Variants in PIEZO2 observed in about 807,000 individuals in gnomAD.
The protein encoded by PIEZO2 is piezo-type mechanosensitive ion channel component 2.
A neutral mutation model predicts 337.3 loss-of-function variants in PIEZO2; 172 were observed. The ratio of observed to expected loss-of-function variants is 0.51; its 90% CI spans 0.45 to 0.58. The LOEUF is 0.58. Ranked by LOEUF, PIEZO2 falls within the 20% of genes least tolerant of loss-of-function variation. The pLI is 0.00. For missense variants in PIEZO2, 3,028 were observed against 3,391.3 expected, an observed-to-expected ratio of 0.89 and a Z score of 2.66; for synonymous variants, 1,251 against 1,228.5, an observed-to-expected ratio of 1.02 and a Z score of -0.38.
intron 18 of PIEZO2, among the ~76,000 whole-genome samples, chr18:10,774,682 T>C (rs575427586): frequency 1.7e-4 from 25 of 145,114 alleles, no homozygotes; most frequent in African/African-American, 6.9e-4. Context: ...TCCTACAGTT[T>C]TTTTTAAAAG....
At chr18:11,034,497 G>T (rs1232665263) in intron 2 of PIEZO2, among the ~76,000 whole-genome samples, 1 of 152,056 alleles carries the variant, frequency 6.6e-6, no homozygotes, top group African/African-American at 2.4e-5. Flanking sequence ...GTTTCGCCGT[G>T]TTAGCCAGGA....
At chr18:10,948,110 A>G (rs1187618975) in intron 3 of PIEZO2, among the ~76,000 whole-genome samples, 1 of 152,208 alleles carries the variant, frequency 6.6e-6, no homozygotes. Context: ...GCTTTCAAGT[A>G]TATGGAGGAG....
rs1269822864 is a variant in PIEZO2, at chr18:10,761,101, A to G, written c.3260T>C (p.Leu1087Pro). The change falls in exon 24 of 56, where the codon CTG becomes CCG. Residue 1087 changes from leucine (L) to proline (P), a missense_variant. Leu to Pro is a moderately conservative substitution (Grantham distance 98). This residue lies in a region of PIEZO2 where 1,925 missense variants were observed against 2,051.9 expected (regional missense o/e 0.94). Coordinates refer to ENST00000674853, the MANE Select transcript of PIEZO2 (RefSeq NM_001378183.1). ...TTCAAAGGCCAGGATAGCCAGCATC[A>G]GGAGGTTATTCTACAAAGCAAGGAA... ...PLLVYLRNNL[L>P]MLAILAFEVT... 2.0e-6 allele frequency: 3 copies of G among 1,537,042 alleles called. No individual in the cohort carries two copies. The Admixed American group carries it at 5.9e-5, about 30-fold the overall frequency.
chr18:10,851,872 G>T (rs983831477), intron 7 of PIEZO2, among the ~76,000 whole-genome samples: 10 of 151,926 alleles, frequency 6.6e-5, no homozygotes, highest in Non-Finnish European at 1.5e-4. Flanking sequence ...GAGAAAGTTT[G>T]CCTGATCTAG....
In PIEZO2 at chr18:10,855,626, G is replaced by T; in HGVS notation, c.704-60C>A. ...GAACTGGAAATTCACTTATCATTCAGTGAATGTGACTATTTGAAATTATGT... is the reference window on the plus strand; with the variant it reads ...GAACTGGAAATTCACTTATCATTCATTGAATGTGACTATTTGAAATTATGT... On this transcript the variant is annotated intron_variant, in intron 6 of 55. Coordinates refer to ENST00000674853, the MANE Select transcript of PIEZO2 (RefSeq NM_001378183.1). This position sits in a 1 kb window ranked among gnomAD's most constrained non-coding sequence, Gnocchi z 4.9. The T allele has an allele frequency of 7.7e-7, 1 of 1,292,568 alleles. No homozygotes were observed. Among genetic ancestry groups the T allele is most frequent in the Non-Finnish European group, 1.1e-6 (1 of 935,836 alleles). 80.1% of individuals were successfully genotyped at this position (1,292,568 alleles called of 1,614,324 possible).
At position 11,099,610 on chromosome 18, in the gene PIEZO2, G is replaced by A. The variant is rs1288683894; in HGVS notation, c.65-33388C>T. 3.3e-5 allele frequency among the ~76,000 whole-genome samples: 5 copies of A among 152,282 alleles called. 1 individual carries two copies. The East Asian group carries it at 5.8e-4, about 18-fold the overall frequency. ...GCCTCCCGAGTAGCGGGGATCACAG[G>A]TGCCTGCCACCATGCCTAGCTAATT... On this transcript the variant is annotated intron_variant, in intron 1 of 55. Coordinates refer to ENST00000674853, the MANE Select transcript of PIEZO2 (RefSeq NM_001378183.1). This position sits in a 1 kb window ranked among gnomAD's most constrained non-coding sequence, Gnocchi z 5.4.
intron 17 of PIEZO2, among the ~76,000 whole-genome samples, chr18:10,782,555 C>T (rs1012051108): frequency 2.2e-5 from 3 of 137,656 alleles, no homozygotes; most frequent in South Asian, 2.2e-4. Flanking sequence ...TTTCATAGAA[C>T]GAAAAATGAA....
rs2041673770 is a variant in PIEZO2, at chr18:10,855,355, T to C, written c.915A>G (p.Ala305=). 1 of 1,531,258 alleles carries C rather than the reference T, an allele frequency of 6.5e-7. No individual in the cohort carries two copies. Among genetic ancestry groups the C allele is most frequent in the African/African-American group, 1.4e-5 (1 of 73,046 alleles). 94.9% of individuals were successfully genotyped at this position (1,531,258 alleles called of 1,614,324 possible). ...AATGCCATAAGGATTTCTCTTACCT[T>C]GCATAGTAGTCATTGGGTGGAACTG... The part of the protein sequence containing the change: ...QEAVPPNDYY[A]RLFGIKSVIQ... The change falls in exon 7 of 56, where the codon GCA becomes GCG. Residue 305 remains alanine (A), a splice_region_variant and synonymous_variant. Coordinates refer to ENST00000674853, the MANE Select transcript of PIEZO2 (RefSeq NM_001378183.1). This position sits in a 1 kb window ranked among gnomAD's most constrained non-coding sequence, Gnocchi z 4.9.
At chr18:11,147,502 G>A (rs7227861) in intron 1 of PIEZO2, among the ~76,000 whole-genome samples, 1,575 of 152,292 alleles carry the variant, frequency 0.01, 27 homozygotes, top group African/African-American at 0.033. Context: ...ATCAACCTCG[G>A]TCAAGATGCA....
At chr18:10,873,026 C>T (rs2042175654) in intron 4 of PIEZO2, among the ~76,000 whole-genome samples, 1 of 151,938 alleles carries the variant, frequency 6.6e-6, no homozygotes, top group African/African-American at 2.4e-5. Flanking sequence ...AAAGATAGGG[C>T]AATATACCAT....
Position 10,850,007 on chromosome 18 carries a change from A to C in PIEZO2, c.917+5346T>G, listed in dbSNP as rs2041494321. ...AGTTATTGTTATAATAGACTACAGC[A>C]CTTCAGATTTGGGAAGAATAATCTC... On this transcript the variant is annotated intron_variant, in intron 7 of 55. Transcript: ENST00000674853. This position sits in a 1 kb window ranked among gnomAD's most constrained non-coding sequence, Gnocchi z 4.5. Among the ~76,000 whole-genome samples, 1 of 152,212 alleles carries C rather than the reference A, an allele frequency of 6.6e-6. No individual in the cohort carries two copies.
In PIEZO2 at chr18:10,973,433, G is replaced by A. The variant is rs890794772; in HGVS notation, c.286+6102C>T. 6.6e-6 allele frequency among the ~76,000 whole-genome samples: 1 copy of A among 152,200 alleles called. No homozygotes were observed. Among genetic ancestry groups the A allele is most frequent in the Non-Finnish European group, 1.5e-5 (1 of 68,036 alleles). ...TCCATCTAGGTCGGCATATGTCTCC[G>A]TGAGGCAGTGCCTCAATCACCAGGG... On this transcript the variant is annotated intron_variant, in intron 3 of 55. Coordinates refer to ENST00000674853, the MANE Select transcript of PIEZO2 (RefSeq NM_001378183.1). This position sits in a 1 kb window ranked among gnomAD's most constrained non-coding sequence, Gnocchi z 4.9.
chr18:11,057,813 A>C (rs1174989693), intron 2 of PIEZO2, among the ~76,000 whole-genome samples: 1 of 152,260 alleles, frequency 6.6e-6, no homozygotes, highest in Non-Finnish European at 1.5e-5. Flanking sequence ...AGTTAAGTGT[A>C]CTGAGCCTAC....
chr18:10,689,997 T>G (rs1456018973), intron 48 of PIEZO2, among the ~76,000 whole-genome samples, 195 bp from the exon 49 acceptor site: 1 of 152,242 alleles, frequency 6.6e-6, no homozygotes, highest in African/African-American at 2.4e-5. Context: ...GATTTGTATT[T>G]TTTCATTCTT....
rs1271488196 is a variant in PIEZO2 at position 10,846,142 on chromosome 18, C to T, written c.917+9211G>A. 1.3e-5 allele frequency among the ~76,000 whole-genome samples: 2 copies of T among 152,180 alleles called. No individual in the cohort carries two copies. The highest frequency in any genetic ancestry group is 4.8e-5 in the African/African-American group (2 of 41,440). The stretch of plus-strand genomic sequence containing the variant: ...TGAAAGTGACATACCCAAGACTTGG[C>T]AATTTACAAAAGAATGAGGTTTATT... On this transcript the variant is annotated intron_variant, in intron 7 of 55. Coordinates refer to ENST00000674853, the MANE Select transcript of PIEZO2 (RefSeq NM_001378183.1). The surrounding 1 kb of genome is among the most constrained non-coding windows in gnomAD (Gnocchi z 4.1).
chr18:10,833,808 G>T lies in PIEZO2; in HGVS notation c.917+21545C>A. On this transcript the variant is annotated intron_variant, in intron 7 of 55. Coordinates refer to ENST00000674853, the MANE Select transcript of PIEZO2 (RefSeq NM_001378183.1). This position sits in a 1 kb window ranked among gnomAD's most constrained non-coding sequence, Gnocchi z 4.7. Reference sequence around the variant, plus strand: ...ACAAAAATGCATCTGCAAATCCTTTGTTTAAAAAACGCATTAGGCTGCCCT... The same window carrying T: ...ACAAAAATGCATCTGCAAATCCTTTTTTTAAAAAACGCATTAGGCTGCCCT... Among the ~76,000 whole-genome samples, 1 of 152,198 alleles carries T rather than the reference G, an allele frequency of 6.6e-6. No individual in the cohort carries two copies. Among genetic ancestry groups the T allele is most frequent in the East Asian group, 1.9e-4 (1 of 5,188 alleles).
At chr18:10,704,366 A>T (rs1383099646) in intron 42 of PIEZO2, 28 bp downstream of exon 42, 19 of 1,534,770 alleles carry the variant, frequency 1.2e-5, no homozygotes, top group Non-Finnish European at 1.7e-5. Flanking sequence ...GCCTGAAGCC[A>T]TCCACAGGGG....
rs1473498014 is a variant in PIEZO2 at position 11,031,740 on chromosome 18, G to A, written c.160+34387C>T. Among the ~76,000 whole-genome samples, 1 of 152,142 alleles carries A rather than the reference G, an allele frequency of 6.6e-6. No individual in the cohort carries two copies. Among genetic ancestry groups the A allele is most frequent in the African/African-American group, 2.4e-5 (1 of 41,436 alleles). ...CTCTTGGTACGACTTACCCTTGGTT[G>A]TAAGTTGATTCCATGGTCCCTGGGG... On this transcript the variant is annotated intron_variant, in intron 2 of 55. Coordinates refer to ENST00000674853, the MANE Select transcript of PIEZO2 (RefSeq NM_001378183.1). The surrounding 1 kb of genome is among the most constrained non-coding windows in gnomAD (Gnocchi z 4.7).
In PIEZO2 at chr18:10,800,376, T is replaced by G; in HGVS notation, c.1339A>C (p.Thr447Pro). ...NGPGKADLYS[T>P]PQYRWEPSDE... ...GAGGGCTCCCACCGGTACTGAGGGG[T>G]GGAGTAGAGGTCGGCTTTGCCAGGG... is the stretch of plus-strand genomic sequence containing the variant. The change falls in exon 11 of 56, where the codon ACC (threonine) becomes CCC (proline). Residue 447 changes from threonine (T) to proline (P), a missense_variant. By Grantham distance (38) the Thr-to-Pro change is conservative. This residue lies in a region of PIEZO2 where 542 missense variants were observed against 605.6 expected (regional missense o/e 0.89). Transcript: ENST00000674853. 2 of 1,533,736 alleles carry G rather than the reference T, an allele frequency of 1.3e-6. No individual in the cohort carries two copies. The highest frequency in any genetic ancestry group is 4.0e-5 in the Admixed American group (2 of 50,628).
Sources: gnomAD v4.1 joint callset for allele counts (sites outside exome capture counted in the v4.1 genomes callset) on GRCh38, gnomAD v4.1.1 for gene constraint, gnomAD v4.1.1 regional missense constraint, Gnocchi (gnomAD v3.1) non-coding constraint, MANE v1.5 for transcripts, NCBI Gene and HGNC (gene_info 2026-07-23, HGNC 2026-07-21) for gene names.